The following OPHN1 variants were observed in gnomAD, a reference collection of about 807,000 sequenced individuals.
OPHN1 encodes oligophrenin-1.
In OPHN1, 11 loss-of-function variants were observed where a neutral mutation model predicts 60.7. The observed-to-expected ratio is 0.18, with a 90% CI of 0.11 to 0.30. OPHN1 has a LOEUF of 0.30. OPHN1 is among the 10% of genes least tolerant of loss of function. The pLI, the probability that OPHN1 is intolerant of heterozygous loss-of-function variation, is 1.00. For missense variants in OPHN1, 449 were observed against 611.0 expected, an observed-to-expected ratio of 0.73 and a Z score of 2.80; for synonymous variants, 226 against 222.6, an observed-to-expected ratio of 1.02 and a Z score of -0.14.
chrX:68,395,619 G>T (rs942085754), intron 2 of OPHN1, among the ~76,000 whole-genome samples: 1 of 110,377 alleles, frequency 9.1e-6, no homozygotes, highest in African/African-American at 3.3e-5. Flanking sequence ...GGCTAATTTT[G>T]TATTTTTAGT....
chrX:68,167,636 T>TATATGCATACATATATGCATGTATAC lies in OPHN1; in HGVS notation c.1276+25257_1276+25282dup, dbSNP rs2077365430. ...GTATACATGCGCGCATGCATGCATA[T>TATATGCATACATATATGCATGTATAC]ATATGCATACATATATGCATGTATA... On this transcript the variant is annotated intron_variant, in intron 15 of 24. Coordinates refer to ENST00000355520, the MANE Select transcript of OPHN1 (RefSeq NM_002547.3). Among the ~76,000 whole-genome samples the TATATGCATACATATATGCATGTATAC allele has an allele frequency of 1.0e-4, 11 of 110,224 alleles. No individual in the cohort carries two copies. The South Asian group carries it at 2.3e-3, about 23-fold the overall frequency.
intron 6 of OPHN1, among the ~76,000 whole-genome samples, chrX:68,223,006 C>G (rs2077670591): frequency 9.0e-6 from 1 of 110,879 alleles, no homozygotes; most frequent in Non-Finnish European, 1.9e-5. Context: ...CCACCTTACT[C>G]CACTCAGAAA....
intron 15 of OPHN1, among the ~76,000 whole-genome samples, chrX:68,121,779 G>A (rs1255770078): frequency 2.8e-5 from 3 of 106,097 alleles, no homozygotes; most frequent in Admixed American, 1.0e-4. Context: ...TTCTGCTTGA[G>A]GAAAAGAGGG....
At chrX:68,101,712 T>C (rs1012959931) in intron 18 of OPHN1, among the ~76,000 whole-genome samples, 8 of 112,100 alleles carry the variant, frequency 7.1e-5, no homozygotes, top group Non-Finnish European at 1.5e-4. Context: ...ATTAAAGACA[T>C]ATGGACTAGC....
At chrX:68,112,061 GCACACA>G (rs56107322) in intron 17 of OPHN1, 102 bp from the exon 18 acceptor site, 1,913 of 377,356 alleles carry the variant, frequency 5.1e-3, no homozygotes, top group Middle Eastern at 8.0e-3. Context: ...ATGCACACAT[GCACACA>G]CACACACACA....
At chrX:68,164,058 C>T (rs1327678) in intron 15 of OPHN1, among the ~76,000 whole-genome samples, 55,295 of 110,450 alleles carry the variant, frequency 0.5, 11,701 homozygotes, top group East Asian at 0.87. Context: ...ATCCTCACAA[C>T]GGTCATATGA....
chrX:68,321,448 C>T (rs1013036452), intron 2 of OPHN1, among the ~76,000 whole-genome samples: 5 of 111,905 alleles, frequency 4.5e-5, no homozygotes, highest in Non-Finnish European at 9.4e-5. Context: ...ACTAGAATCC[C>T]ATTCAATCAT....
chrX:68,182,188 G>GTTTTTTT (rs397951860), intron 15 of OPHN1, among the ~76,000 whole-genome samples: 6 of 46,128 alleles, frequency 1.3e-4, no homozygotes, highest in Non-Finnish European at 1.9e-4. Context: ...AAGCTCTGTA[G>GTTTTTTT]TTTTTTTTTT....
At chrX:68,104,201 G>A (rs2077071895) in intron 18 of OPHN1, among the ~76,000 whole-genome samples, 1 of 111,755 alleles carries the variant, frequency 8.9e-6, no homozygotes, top group Admixed American at 9.5e-5. Context: ...CATGCTCATG[G>A]ATTGGAAGAA....
intron 19 of OPHN1, among the ~76,000 whole-genome samples, chrX:68,092,249 A>G (rs1330265010): frequency 2.7e-5 from 3 of 111,903 alleles, no homozygotes; most frequent in Non-Finnish European, 5.7e-5. Context: ...ACAACTTGCC[A>G]GGAACATATA....
intron 2 of OPHN1, among the ~76,000 whole-genome samples, chrX:68,337,949 C>G (rs1186703905): frequency 9.0e-6 from 1 of 111,282 alleles, no homozygotes; most frequent in East Asian, 2.8e-4. Flanking sequence ...TAAACAATGA[C>G]AAAATTGAAT....
chrX:68,404,712 A>G (rs1349155173), intron 2 of OPHN1, among the ~76,000 whole-genome samples: 1 of 111,975 alleles, frequency 8.9e-6, no homozygotes, highest in Non-Finnish European at 1.9e-5. Flanking sequence ...ACATTCGGGT[A>G]GGAGAATAGA....
At chrX:68,219,790 G>C (rs1197991764) in intron 6 of OPHN1, among the ~76,000 whole-genome samples, 5 of 103,566 alleles carry the variant, frequency 4.8e-5, no homozygotes, top group Non-Finnish European at 9.9e-5. Context: ...AGTGTGTAGA[G>C]GGAAATTTAT....
chrX:68,298,674 C>T (rs2078106304), intron 3 of OPHN1, among the ~76,000 whole-genome samples: 1 of 112,110 alleles, frequency 8.9e-6, no homozygotes, highest in Admixed American at 9.6e-5. Flanking sequence ...CTAACTCCAA[C>T]CATTTTGGGA....
intron 2 of OPHN1, among the ~76,000 whole-genome samples, chrX:68,376,684 C>T (rs894452374): frequency 6.3e-5 from 7 of 111,177 alleles, no homozygotes; most frequent in Non-Finnish European, 1.3e-4. Context: ...TTGGCCACCA[C>T]TACCCTCCCA....
At chrX:68,287,518 C>T (rs2078050801) in intron 3 of OPHN1, among the ~76,000 whole-genome samples, 1 of 107,352 alleles carries the variant, frequency 9.3e-6, no homozygotes, top group African/African-American at 3.4e-5. Context: ...AAAACAACAA[C>T]AACAACCATT....
intron 2 of OPHN1, chrX:68,336,385 T>C (rs950864986): frequency 8.3e-5 from 9 of 108,698 alleles, no homozygotes; most frequent in Non-Finnish European, 1.3e-4. Flanking sequence ...TAAAATTAAT[T>C]AATTAATTAA....
chrX:68,064,248 T>C, intron 20 of OPHN1, 71 bp from the exon 21 acceptor site: 1 of 1,030,867 alleles, frequency 9.7e-7, no homozygotes. Flanking sequence ...GATACATGCA[T>C]ACATACTTAA....
chrX:68,332,198 TTTGCTGTGTCTC>T (rs1160999740), intron 2 of OPHN1, among the ~76,000 whole-genome samples: 2 of 111,871 alleles, frequency 1.8e-5, no homozygotes, highest in Non-Finnish European at 3.8e-5. Context: ...TAACTAGCTT[TTTGCTGTGTCTC>T]CTGTGCTCTT....
Sources: allele counts gnomAD v4.1 joint callset (sites outside exome capture counted in the v4.1 genomes callset), GRCh38; gene constraint gnomAD v4.1.1; transcripts MANE v1.5; gene names NCBI Gene and HGNC (gene_info 2026-07-23, HGNC 2026-07-21).